The following CCNH variants were observed in gnomAD, a reference collection of about 807,000 sequenced individuals.
CCNH encodes cyclin H.
CCNH carries 31 observed loss-of-function variants against 41.9 expected under a neutral mutation model. That is an observed-to-expected ratio of 0.74 (90% CI 0.56 to 1.00). CCNH has a LOEUF of 1.00. CCNH is among the 50% of genes least tolerant of loss of function. The pLI, the probability that CCNH is intolerant of heterozygous loss-of-function variation, is 0.00. For missense variants in CCNH, 362 were observed against 388.4 expected (o/e 0.93, Z 0.57); for synonymous variants, 138 against 136.1 (o/e 1.01, Z -0.10).
At chr5:87,314,521 A>T (rs796299209), downstream of CCNH, among the ~76,000 whole-genome samples, 1 of 152,220 alleles carries the variant, frequency 6.6e-6, no homozygotes, top group Non-Finnish European at 1.5e-5. Context: ...GACTGATTGG[A>T]TATGAGGGAA....
chr5:87,371,044 AT>A (rs1760900878), intron 9 of CCNH, among the ~76,000 whole-genome samples: 1 of 152,124 alleles, frequency 6.6e-6, no homozygotes, highest in Non-Finnish European at 1.5e-5. Context: ...ATTTTTTTAA[AT>A]GTTAGAAATT....
chr5:87,385,322 C>G, intron 9 of CCNH: 1 of 1,610,672 alleles, frequency 6.2e-7, no homozygotes, highest in Non-Finnish European at 8.5e-7. Context: ...CCTATTGCTG[C>G]AAGAACACTG....
At chr5:87,391,693 T>C (rs1459894001), downstream of CCNH, 1 of 232,928 alleles carries the variant, frequency 4.3e-6, no homozygotes, top group Non-Finnish European at 8.5e-6. Context: ...TTATGTTAAC[T>C]AGAATGCTTT....
At chr5:87,338,154 C>T in intron 9 of CCNH, 1 of 1,602,306 alleles carries the variant, frequency 6.2e-7, no homozygotes, top group South Asian at 1.1e-5. Context: ...TGGATCTTGT[C>T]CGTAATCAGA....
intron 6 of CCNH, among the ~76,000 whole-genome samples, chr5:87,400,036 G>A (rs1020387420): frequency 1.3e-5 from 2 of 152,108 alleles, no homozygotes; most frequent in African/African-American, 2.4e-5. Flanking sequence ...TCCACTTTAG[G>A]TTAAAAGCAA....
At chr5:87,383,473 T>G (rs1395096987) in intron 9 of CCNH, among the ~76,000 whole-genome samples, 1 of 152,112 alleles carries the variant, frequency 6.6e-6, no homozygotes, top group Non-Finnish European at 1.5e-5. Flanking sequence ...TTAATCCACA[T>G]TCTAAATTGG....
intron 6 of CCNH, among the ~76,000 whole-genome samples, 189 bp downstream of exon 6, chr5:87,401,513 C>G (rs1474813358): frequency 6.6e-6 from 1 of 152,140 alleles, no homozygotes; most frequent in Non-Finnish European, 1.5e-5. Context: ...TAAATGAACA[C>G]TACTTCCTTC....
At chr5:87,406,237 C>T (rs1338474347) in intron 4 of CCNH, among the ~76,000 whole-genome samples, 1 of 152,084 alleles carries the variant, frequency 6.6e-6, no homozygotes, top group African/African-American at 2.4e-5. Context: ...AGTTCTTATA[C>T]CTTGCTTCCA....
At chr5:87,408,295 A>T in intron 3 of CCNH, 109 bp from the exon 4 acceptor site, 1 of 517,002 alleles carries the variant, frequency 1.9e-6, no homozygotes, top group Non-Finnish European at 3.3e-6. Flanking sequence ...ATATTCTATA[A>T]TTGCCTAATA....
chr5:87,379,303 AGAG>A (rs1034443639), upstream of CCNH, among the ~76,000 whole-genome samples: 1 of 152,182 alleles, frequency 6.6e-6, no homozygotes, highest in Non-Finnish European at 1.5e-5. Flanking sequence ...TCTGGACTTT[AGAG>A]ATAGGCTACG....
chr5:87,337,599 A>G (rs1055312288), intron 9 of CCNH, among the ~76,000 whole-genome samples: 3 of 152,132 alleles, frequency 2.0e-5, no homozygotes, highest in Non-Finnish European at 4.4e-5. Context: ...CTGAAAGAGT[A>G]ATAACATTGA....
chr5:87,361,690 TA>T (rs1760105583), intron 9 of CCNH, among the ~76,000 whole-genome samples: 1 of 152,278 alleles, frequency 6.6e-6, no homozygotes, highest in South Asian at 2.1e-4. Context: ...TAATGTAACA[TA>T]TGCATTCCTA....
rs1451808617 is a variant in CCNH at position 87,405,019 on chromosome 5, GTT to G, written c.526-14_526-13del. 1.9e-6 allele frequency: 3 copies of G among 1,598,868 alleles called. No individual in the cohort carries two copies. Among genetic ancestry groups the G allele is most frequent in the Non-Finnish European group, 2.6e-6 (3 of 1,172,484 alleles). ...ATGGGATAGCGGGTCTACAAAGAAA[GTT>G]TGCAAATGTTACCATTTCTGAGGGT... is the stretch of plus-strand genomic sequence containing the variant. On this transcript the variant is annotated splice_polypyrimidine_tract_variant and intron_variant, in intron 4 of 8. Coordinates refer to ENST00000256897, the MANE Select transcript of CCNH (RefSeq NM_001239.4).
the CCNH span, among the ~76,000 whole-genome samples, chr5:87,313,027 T>C: frequency 1.3e-5 from 2 of 152,150 alleles, no homozygotes; most frequent in Non-Finnish European, 2.9e-5. Context: ...CTGTGAGTGT[T>C]TTCCCTGAAT....
chr5:87,393,059 T>G (rs1423609436), downstream of CCNH, among the ~76,000 whole-genome samples: 1 of 151,872 alleles, frequency 6.6e-6, no homozygotes, highest in Non-Finnish European at 1.5e-5. Flanking sequence ...TTTTATTCCT[T>G]TCACTCTGGA....
chr5:87,391,090 A>G (rs1381238173), downstream of CCNH: 11 of 636,674 alleles, frequency 1.7e-5, no homozygotes, highest in South Asian at 7.4e-5. Flanking sequence ...TATTTGCACT[A>G]TTTCCACATG....
Position 87,412,908 on chromosome 5 carries a change from C to G in CCNH, c.-114G>C. 6.8e-7 allele frequency: 1 copy of G among 1,480,278 alleles called. No homozygotes were observed. The highest frequency in any genetic ancestry group is 1.4e-5 in the African/African-American group (1 of 71,550). The allele number at this position is 1,480,278 out of a possible 1,614,324, so 91.7% of individuals were successfully genotyped here. ...AGATCTCGCGGAAGCCTAGGGCGTCCGGCTAGCCGGCGCTGGCGCGCTGTC... is the reference window on the plus strand; with the variant it reads ...AGATCTCGCGGAAGCCTAGGGCGTCGGGCTAGCCGGCGCTGGCGCGCTGTC... On this transcript the variant is annotated 5_prime_UTR_variant, in exon 1 of 9. Coordinates refer to ENST00000256897, the MANE Select transcript of CCNH (RefSeq NM_001239.4).
chr5:87,407,653 C>G (rs1011837880), intron 4 of CCNH, among the ~76,000 whole-genome samples: 6 of 152,200 alleles, frequency 3.9e-5, no homozygotes, highest in Admixed American at 1.3e-4. Flanking sequence ...TTATCTTAAG[C>G]CTTTATAGTA....
At chr5:87,394,530 C>CA (rs1479557212) in intron 8 of CCNH, 46 bp from the exon 9 acceptor site, 2 of 1,608,550 alleles carry the variant, frequency 1.2e-6, no homozygotes, top group African/African-American at 2.7e-5. Flanking sequence ...GAAGCATAAC[C>CA]AGTATTGTTT....
Sources: gnomAD v4.1 joint callset for allele counts (sites outside exome capture counted in the v4.1 genomes callset) on GRCh38, gnomAD v4.1.1 for gene constraint, MANE v1.5 for transcripts, NCBI Gene and HGNC (gene_info 2026-07-23, HGNC 2026-07-21) for gene names.